The following LMAN2 variants were observed in gnomAD, a reference collection of about 807,000 sequenced individuals.
The protein encoded by LMAN2 is vesicular integral-membrane protein VIP36.
A neutral mutation model predicts 39.3 loss-of-function variants in LMAN2; 22 were observed. The ratio of observed to expected loss-of-function variants is 0.56; its 90% CI spans 0.40 to 0.80. The LOEUF is 0.80. Among genes scored for constraint, LMAN2 ranks in the 30% least tolerant of loss-of-function variants. LMAN2 has a pLI of 0.00. For missense variants in LMAN2, 494 were observed against 505.4 expected, an observed-to-expected ratio of 0.98 and a Z score of 0.22; for synonymous variants, 207 against 207.8, an observed-to-expected ratio of 1.00 and a Z score of 0.03.
intron 2 of LMAN2, among the ~76,000 whole-genome samples, chr5:177,342,083 T>C (rs1380888451): frequency 3.9e-5 from 6 of 152,218 alleles, no homozygotes; most frequent in Admixed American, 6.5e-5. Context: ...AAATGTATCA[T>C]ATTTCATTAA....
intron 2 of LMAN2, among the ~76,000 whole-genome samples, chr5:177,342,781 TCTTGGATATAGCAC>T (rs1408775969): frequency 1.3e-5 from 2 of 151,676 alleles, no homozygotes; most frequent in Admixed American, 1.3e-4. Flanking sequence ...AGTAAAGATT[TCTTGGATATAGCAC>T]CAAAAGCACA....
At position 177,334,377 on chromosome 5, in the gene LMAN2, G is replaced by C. The variant is rs1215565527; in HGVS notation, c.817C>G (p.Leu273Val). Residue 273 changes from leucine to valine, a missense_variant, in exon 7 of 8, where the codon CTG (leucine) becomes GTG (valine). Coordinates refer to ENST00000303127, the MANE Select transcript of LMAN2 (RefSeq NM_006816.3). ...SDNHDIISMK[L>V]FQLMVEHTPD... ...GTGTGCTCCACCATCAGCTGGAACA[G>C]CTTCATGGAGATGATGTCATGATTG... 9 of 1,613,426 alleles carry C rather than the reference G, an allele frequency of 5.6e-6. No homozygotes were observed. Among genetic ancestry groups the C allele is most frequent in the Admixed American group, 1.7e-5 (1 of 59,994 alleles).
At position 177,337,342 on chromosome 5, in the gene LMAN2, C is replaced by T. The variant is rs777818600; in HGVS notation, c.675+21G>A. The T allele has an allele frequency of 1.2e-6, 2 of 1,610,302 alleles. No individual in the cohort carries two copies. The highest frequency in any genetic ancestry group is 2.2e-5 in the South Asian group (2 of 91,040). On this transcript the variant is annotated intron_variant, in intron 5 of 7. Transcript: ENST00000303127. The surrounding 1 kb of genome is among the most constrained non-coding windows in gnomAD (Gnocchi z 8.2). ...CAGCACAGGGCCACCAGCTGCCACC[C>T]CCACCGCCTAGCCTGCTCACCGTCA...
chr5:177,331,967 A>G lies in LMAN2; in HGVS notation c.*119T>C. ...AAGCAAAATGTATGAAAATACTTTA[A>G]TCATTTATTTGAAACAGTTAAGAAA... is the stretch of plus-strand genomic sequence containing the variant. On this transcript the variant is annotated 3_prime_UTR_variant, in exon 8 of 8. Transcript: ENST00000303127. 1 of 1,161,332 alleles carries G rather than the reference A, an allele frequency of 8.6e-7. No homozygotes were observed. The highest frequency in any genetic ancestry group is 1.2e-6 in the Non-Finnish European group (1 of 844,610). The allele number at this position is 1,161,332 out of a possible 1,614,324, so 71.9% of individuals were successfully genotyped here. A position where few individuals can be genotyped will look rare whatever the true frequency, so the allele number is the denominator to read the frequency against.
At position 177,332,715 on chromosome 5, in the gene LMAN2, T is replaced by A. The variant is rs1761408489; in HGVS notation, c.911-469A>T. Among the ~76,000 whole-genome samples the A allele has an allele frequency of 2.0e-5, 3 of 151,806 alleles. No individual in the cohort carries two copies. In the South Asian group the frequency reaches 6.2e-4, roughly 32 times the overall value. ...CCAGGAGGGTCTCCCAGGACCTGAG[T>A]CCCACACTCCACCCCAGCCCACAGC... On this transcript the variant is annotated intron_variant, in intron 7 of 7. Coordinates refer to ENST00000303127, the MANE Select transcript of LMAN2 (RefSeq NM_006816.3). The surrounding 1 kb of genome is among the most constrained non-coding windows in gnomAD (Gnocchi z 6.3).
intron 2 of LMAN2, among the ~76,000 whole-genome samples, chr5:177,346,743 C>G (rs1035527995): frequency 1.3e-5 from 2 of 151,744 alleles, no homozygotes; most frequent in Non-Finnish European, 2.9e-5. Flanking sequence ...CTCAAGCAAT[C>G]CTCCTGCCTC....
At chr5:177,342,942 T>C (rs1581604487) in intron 2 of LMAN2, among the ~76,000 whole-genome samples, 1 of 152,048 alleles carries the variant, frequency 6.6e-6, no homozygotes, top group East Asian at 1.9e-4. Context: ...TGATAAGGGA[T>C]TAATATCTAG....
rs753332744 is a variant in LMAN2 at position 177,351,621 on chromosome 5, A to C, written c.27T>G (p.Arg9=). ...CCAGGCACCGCCGGCCCCAGCCCCA[A>C]CGCCAAATCCAGCCTTCCGCCGCCA... MAAEGWIW[R]WGWGRRCLGR... is the part of the protein sequence containing the mutation. Residue 9 remains arginine, a synonymous_variant, in exon 1 of 8, where the codon CGT becomes CGG. Transcript: ENST00000303127. 21 of 1,599,290 alleles carry C rather than the reference A, an allele frequency of 1.3e-5. No individual in the cohort carries two copies. In the African/African-American group the frequency reaches 2.6e-4, roughly 20 times the overall value.
chr5:177,334,271 T>C lies in LMAN2; in HGVS notation c.910+13A>G. On this transcript the variant is annotated intron_variant, in intron 7 of 7. Coordinates refer to ENST00000303127, the MANE Select transcript of LMAN2 (RefSeq NM_006816.3). ...CGCCCAGGCCCAGGCAGGGCGGGGC[T>C]GTGCACACGCACCTTTGGGCGACTT... 1.2e-6 allele frequency: 2 copies of C among 1,609,700 alleles called. No homozygotes were observed. The highest frequency in any genetic ancestry group is 1.7e-5 in the Admixed American group (1 of 59,926).
chr5:177,339,640 T>C (rs1041692588), intron 2 of LMAN2, among the ~76,000 whole-genome samples: 3 of 152,128 alleles, frequency 2.0e-5, no homozygotes, highest in African/African-American at 7.2e-5. Context: ...AAACAGGATG[T>C]TGACCTGTCA....
At chr5:177,343,209 C>A (rs991615152) in intron 2 of LMAN2, among the ~76,000 whole-genome samples, 4 of 152,130 alleles carry the variant, frequency 2.6e-5, no homozygotes, top group African/African-American at 9.7e-5. Flanking sequence ...GAGCCGAGAT[C>A]GCGCCACTGC....
chr5:177,337,337 C>T lies in LMAN2; in HGVS notation c.675+26G>A. 1 of 1,610,134 alleles carries T rather than the reference C, an allele frequency of 6.2e-7. No homozygotes were observed. Among genetic ancestry groups the T allele is most frequent in the Middle Eastern group, 1.7e-4 (1 of 6,060 alleles). On this transcript the variant is annotated intron_variant, in intron 5 of 7. Transcript: ENST00000303127. This position sits in a 1 kb window ranked among gnomAD's most constrained non-coding sequence, Gnocchi z 8.2. ...GGGACCAGCACAGGGCCACCAGCTG[C>T]CACCCCCACCGCCTAGCCTGCTCAC...
chr5:177,338,358 C>A, intron 3 of LMAN2, 130 bp downstream of exon 3: 1 of 704,806 alleles, frequency 1.4e-6, no homozygotes, highest in South Asian at 1.6e-5. Flanking sequence ...CGGGAGGCAG[C>A]ACTTTCCTAA....
intron 2 of LMAN2, among the ~76,000 whole-genome samples, chr5:177,338,817 G>T (rs886239261): frequency 1.3e-5 from 2 of 152,208 alleles, no homozygotes; most frequent in Non-Finnish European, 2.9e-5. Context: ...CAGGTGAGGT[G>T]GGGGAGGCCA....
At chr5:177,341,554 T>C (rs779353536) in intron 2 of LMAN2, among the ~76,000 whole-genome samples, 10 of 152,174 alleles carry the variant, frequency 6.6e-5, no homozygotes, top group Non-Finnish European at 1.5e-4. Context: ...TCAGCAAATG[T>C]ATCCTTCAAG....
chr5:177,351,614 A>T lies in LMAN2; in HGVS notation c.34T>A (p.Trp12Arg). The change falls in exon 1 of 8, where the codon TGG (tryptophan) becomes AGG (arginine). Residue 12 changes from tryptophan (W) to arginine (R), a missense_variant. Coordinates refer to ENST00000303127, the MANE Select transcript of LMAN2 (RefSeq NM_006816.3). ...GGCCTTCCCAGGCACCGCCGGCCCC[A>T]GCCCCAACGCCAAATCCAGCCTTCC... Reference protein sequence around the residue: ...AAEGWIWRWGWGRRCLGRPGL... With the variant: ...AAEGWIWRWGRGRRCLGRPGL... The T allele has an allele frequency of 6.2e-7, 1 of 1,604,052 alleles. No individual in the cohort carries two copies. Among genetic ancestry groups the T allele is most frequent in the Non-Finnish European group, 8.5e-7 (1 of 1,176,826 alleles).
Position 177,332,655 on chromosome 5 carries a change from C to T in LMAN2, c.911-409G>A, listed in dbSNP as rs115191537. ...AGCAGCGCGGCCCTGGTCACAGGCT[C>T]TCCCAGCCCACAGCTGGATGCTCTC... On this transcript the variant is annotated intron_variant, in intron 7 of 7. Transcript: ENST00000303127. This position sits in a 1 kb window ranked among gnomAD's most constrained non-coding sequence, Gnocchi z 6.3. Among the ~76,000 whole-genome samples the T allele has an allele frequency of 8.0e-3, 1,225 of 152,266 alleles. 8 individuals carry two copies. The highest frequency in any genetic ancestry group is 0.027 in the African/African-American group (1,134 of 41,548).
At position 177,338,583 on chromosome 5, in the gene LMAN2, T is replaced by C. The variant is rs766493629; in HGVS notation, c.338A>G (p.Glu113Gly). 1 of 1,614,228 alleles carries C rather than the reference T, an allele frequency of 6.2e-7. No individual in the cohort carries two copies. Among genetic ancestry groups the C allele is most frequent in the South Asian group, 1.1e-5 (1 of 91,092 alleles). ...GTGGACTTTGAAGTGGACGTGCATT[T>C]CCCAGTCTTTGAGGAAGCACGGCTG... is the stretch of plus-strand genomic sequence containing the variant. ...NHQPCFLKDW[E>G]MHVHFKVHGT... Residue 113 changes from glutamate (E) to glycine (G), a missense_variant, in exon 3 of 8, where the codon GAA becomes GGA. Glu to Gly is a moderately conservative substitution (Grantham distance 98). Transcript: ENST00000303127.
At chr5:177,334,734 C>A (rs528389864) in intron 6 of LMAN2, among the ~76,000 whole-genome samples, 9 of 152,186 alleles carry the variant, frequency 5.9e-5, no homozygotes, top group Non-Finnish European at 1.3e-4. Context: ...GTTGCCATGG[C>A]AAGTACATGA....
Sources: allele counts gnomAD v4.1 joint callset (sites outside exome capture counted in the v4.1 genomes callset), GRCh38; gene constraint gnomAD v4.1.1; non-coding constraint Gnocchi (gnomAD v3.1); transcripts MANE v1.5; gene names NCBI Gene and HGNC (gene_info 2026-07-23, HGNC 2026-07-21).